The following GUCA1C variants were observed in gnomAD, a reference collection of about 807,000 sequenced individuals.
The protein encoded by GUCA1C is guanylyl cyclase-activating protein 3.
Under a neutral mutation model 16.2 loss-of-function variants are expected in GUCA1C, and 15 were observed. The observed-to-expected ratio is 0.93, with a 90% CI of 0.62 to 1.43. The LOEUF is 1.43. Ranked by LOEUF, GUCA1C falls within the 40% of genes most tolerant of loss-of-function variation. The pLI, the probability that GUCA1C is intolerant of heterozygous loss-of-function variation, is 0.00. For missense variants in GUCA1C, 275 were observed against 244.8 expected (o/e 1.12, Z -0.82); for synonymous variants, 78 against 85.4 (o/e 0.91, Z 0.48).
At chr3:108,941,563 G>A (rs1946785790) in intron 1 of GUCA1C, among the ~76,000 whole-genome samples, 2 of 152,126 alleles carry the variant, frequency 1.3e-5, no homozygotes, top group African/African-American at 4.8e-5. Flanking sequence ...ACTTCTATTA[G>A]TCCAGTTTTG....
intron 1 of GUCA1C, among the ~76,000 whole-genome samples, chr3:108,937,913 A>C (rs35824445): frequency 0.033 from 5,076 of 152,270 alleles, 116 homozygotes; most frequent in Middle Eastern, 0.11. Flanking sequence ...TCTACTAAAA[A>C]TACAAAACTT....
intron 1 of GUCA1C, among the ~76,000 whole-genome samples, chr3:108,924,711 A>G (rs1946605387): frequency 6.6e-6 from 1 of 152,002 alleles, no homozygotes; most frequent in Non-Finnish European, 1.5e-5. Flanking sequence ...TGTCAATAGG[A>G]TTGGTACCAA....
At chr3:108,933,106 T>C (rs1386204919) in intron 1 of GUCA1C, among the ~76,000 whole-genome samples, 1 of 152,168 alleles carries the variant, frequency 6.6e-6, no homozygotes, top group African/African-American at 2.4e-5. Flanking sequence ...CATTTCCTAA[T>C]CTCTCACTGC....
At chr3:108,932,278 A>C (rs1256824549) in intron 1 of GUCA1C, among the ~76,000 whole-genome samples, 1 of 150,110 alleles carries the variant, frequency 6.7e-6, no homozygotes, top group Non-Finnish European at 1.5e-5. Context: ...TTGCATGAGA[A>C]TCATATGGGG....
chr3:108,932,320 C>A (rs1946675039), intron 1 of GUCA1C, among the ~76,000 whole-genome samples: 2 of 107,932 alleles, frequency 1.9e-5, no homozygotes, highest in Non-Finnish European at 3.7e-5. Flanking sequence ...CTAGACCTCC[C>A]ACCAAAAAAA....
At chr3:108,922,720 C>T (rs896073975) in intron 1 of GUCA1C, among the ~76,000 whole-genome samples, 5 of 152,036 alleles carry the variant, frequency 3.3e-5, no homozygotes, top group African/African-American at 9.7e-5. Context: ...ATGTGCAGAA[C>T]GTGCAGGTTT....
At position 108,920,585 on chromosome 3, in the gene GUCA1C, C is replaced by A. The variant is rs1221077376; in HGVS notation, c.205G>T (p.Asp69Tyr). The change falls in exon 2 of 4, where the codon GAT becomes TAT. Residue 69 changes from aspartate (D) to tyrosine (Y), a missense_variant and splice_region_variant. By Grantham distance (160) the Asp-to-Tyr change is radical. Transcript: ENST00000261047. Reference protein sequence around the residue: ...QVYNTFDTNKDGFVDFLEFIA... With the variant: ...QVYNTFDTNKYGFVDFLEFIA... ...AACTCCAAAAAGTCAACAAATCCATCCTATGGAAAGTAAGATGAAAAGAGA... is the reference window on the plus strand; with the variant it reads ...AACTCCAAAAAGTCAACAAATCCATACTATGGAAAGTAAGATGAAAAGAGA... 6.9e-7 allele frequency: 1 copy of A among 1,447,732 alleles called. No homozygotes were observed. Among genetic ancestry groups the A allele is most frequent in the South Asian group, 1.2e-5 (1 of 85,404 alleles). 89.7% of individuals were successfully genotyped at this position (1,447,732 alleles called of 1,614,324 possible).
At chr3:108,910,237 G>T (rs553778184) in intron 3 of GUCA1C, among the ~76,000 whole-genome samples, 1 of 152,142 alleles carries the variant, frequency 6.6e-6, no homozygotes, top group Non-Finnish European at 1.5e-5. Context: ...GGTGGCTCAC[G>T]CCTGTAAACC....
At chr3:108,936,452 C>A (rs537112007) in intron 1 of GUCA1C, among the ~76,000 whole-genome samples, 2 of 152,152 alleles carry the variant, frequency 1.3e-5, no homozygotes, top group East Asian at 3.9e-4. Flanking sequence ...TCTTACTTTA[C>A]AGAGAATAAA....
At chr3:108,951,670 C>T (rs558718421) in intron 1 of GUCA1C, among the ~76,000 whole-genome samples, 2 of 152,154 alleles carry the variant, frequency 1.3e-5, no homozygotes, top group African/African-American at 4.8e-5. Context: ...TATTGAGATC[C>T]CCACACCTTT....
intron 3 of GUCA1C, among the ~76,000 whole-genome samples, chr3:108,908,575 G>A (rs1008566041): frequency 6.6e-6 from 1 of 152,166 alleles, no homozygotes; most frequent in Non-Finnish European, 1.5e-5. Context: ...TTAAGATCAA[G>A]ACAAAATGAC....
At chr3:108,934,967 C>G (rs368224221) in intron 1 of GUCA1C, among the ~76,000 whole-genome samples, 1 of 151,860 alleles carries the variant, frequency 6.6e-6, no homozygotes, top group South Asian at 2.1e-4. Context: ...GCGCCCGCCA[C>G]CACGCCCGGC....
intron 1 of GUCA1C, among the ~76,000 whole-genome samples, chr3:108,924,252 C>A (rs1946598102): frequency 6.6e-6 from 1 of 152,002 alleles, no homozygotes; most frequent in Non-Finnish European, 1.5e-5. Context: ...CAACTTTTAC[C>A]CATTCAGTAT....
At chr3:108,947,780 G>C (rs563022566) in intron 1 of GUCA1C, among the ~76,000 whole-genome samples, 43 of 152,062 alleles carry the variant, frequency 2.8e-4, no homozygotes, top group Admixed American at 6.6e-4. Flanking sequence ...TTCTACTTTT[G>C]TATGTGGAAA....
intron 1 of GUCA1C, among the ~76,000 whole-genome samples, chr3:108,933,166 G>A (rs11914999): frequency 0.06 from 9,093 of 151,940 alleles, 482 homozygotes; most frequent in African/African-American, 0.15. Flanking sequence ...AATTTTTCTT[G>A]TAATTCTACA....
chr3:108,916,973 A>G (rs1264068491), intron 2 of GUCA1C, among the ~76,000 whole-genome samples: 1 of 152,240 alleles, frequency 6.6e-6, no homozygotes, highest in Non-Finnish European at 1.5e-5. Context: ...TAGAGGACAC[A>G]ATCATAAATA....
chr3:108,933,123 T>A (rs1163211308), intron 1 of GUCA1C, among the ~76,000 whole-genome samples: 1 of 152,154 alleles, frequency 6.6e-6, no homozygotes, highest in African/African-American at 2.4e-5. Context: ...CTGCCAGCCC[T>A]AGCATGAGAA....
At chr3:108,911,605 T>C (rs1184332511) in intron 3 of GUCA1C, among the ~76,000 whole-genome samples, 4 of 152,220 alleles carry the variant, frequency 2.6e-5, no homozygotes, top group Admixed American at 6.5e-5. Flanking sequence ...AGGAGAGCTT[T>C]AGCATGCAGT....
At chr3:108,949,148 A>G (rs1288131620) in intron 1 of GUCA1C, among the ~76,000 whole-genome samples, 4 of 152,076 alleles carry the variant, frequency 2.6e-5, no homozygotes, top group Admixed American at 2.6e-4. Context: ...GCAGTGGCCA[A>G]TTTTTCTGAT....
Sources: gnomAD v4.1 joint callset for allele counts (sites outside exome capture counted in the v4.1 genomes callset) on GRCh38, gnomAD v4.1.1 for gene constraint, MANE v1.5 for transcripts, NCBI Gene and HGNC (gene_info 2026-07-23, HGNC 2026-07-21) for gene names.